The following GRB10 variants were observed in gnomAD, a reference collection of about 807,000 sequenced individuals.
The protein encoded by GRB10 is growth factor receptor-bound protein 10.
GRB10 carries 20 observed loss-of-function variants against 80.9 expected under a neutral mutation model. That is an observed-to-expected ratio of 0.25 (90% CI 0.17 to 0.36). The LOEUF is 0.36. Among genes scored for constraint, GRB10 ranks in the 10% least tolerant of loss-of-function variants. GRB10 has a pLI of 1.00. For missense variants in GRB10, 548 were observed against 747.7 expected (o/e 0.73, Z 3.12); for synonymous variants, 291 against 291.5 (o/e 1.00, Z 0.02).
chr7:50,765,980 T>G (rs1393840261), intron 2 of GRB10, among the ~76,000 whole-genome samples: 1 of 152,142 alleles, frequency 6.6e-6, no homozygotes, highest in East Asian at 1.9e-4. Context: ...AAAAAGTAAT[T>G]AGTTAATTCC....
chr7:50,655,922 T>C (rs373384250), intron 7 of GRB10, among the ~76,000 whole-genome samples: 2 of 152,160 alleles, frequency 1.3e-5, no homozygotes, highest in Non-Finnish European at 2.9e-5. Context: ...CCCCACATGA[T>C]GGAATGTCCT....
At chr7:50,715,349 T>C (rs1156911036) in intron 4 of GRB10, among the ~76,000 whole-genome samples, 1 of 151,982 alleles carries the variant, frequency 6.6e-6, no homozygotes, top group African/African-American at 2.4e-5. Flanking sequence ...GCTCGTTTTA[T>C]TCATAAAAAT....
intron 13 of GRB10, chr7:50,606,634 C>G (rs2048582217): frequency 3.5e-6 from 2 of 571,000 alleles, no homozygotes; most frequent in Non-Finnish European, 3.1e-6. Context: ...TTTGACTCCC[C>G]CAAAACTTAC....
intron 2 of GRB10, chr7:50,761,743 C>A (rs544947233): frequency 2.0e-5 from 3 of 152,280 alleles, no homozygotes; most frequent in Admixed American, 2.0e-4. Context: ...CAAATTGTAA[C>A]CCCCAGTGTT....
chr7:50,608,183 T>C (rs75741641), intron 13 of GRB10, among the ~76,000 whole-genome samples: 4,396 of 152,030 alleles, frequency 0.029, 187 homozygotes, highest in African/African-American at 0.1. Context: ...CATGGAAAAA[T>C]TGCTGAGAAA....
chr7:50,627,928 C>G (rs2053252415), intron 7 of GRB10, among the ~76,000 whole-genome samples: 1 of 152,162 alleles, frequency 6.6e-6, no homozygotes, highest in Non-Finnish European at 1.5e-5. Flanking sequence ...GGGAGGCCAC[C>G]CACCCACCCG....
chr7:50,686,501 A>G (rs935359005), intron 5 of GRB10, among the ~76,000 whole-genome samples: 7 of 152,242 alleles, frequency 4.6e-5, no homozygotes, highest in African/African-American at 1.7e-4. Flanking sequence ...CTTCTGAACA[A>G]TGCTCCAGGG....
intron 7 of GRB10, among the ~76,000 whole-genome samples, chr7:50,653,789 G>A (rs2058301460): frequency 6.6e-6 from 1 of 152,174 alleles, no homozygotes; most frequent in South Asian, 2.1e-4. Flanking sequence ...TCCCCCAGGT[G>A]GCTACATGAA....
chr7:50,762,946 T>C (rs2075919241), intron 2 of GRB10, among the ~76,000 whole-genome samples: 1 of 152,052 alleles, frequency 6.6e-6, no homozygotes. Flanking sequence ...TGAAACCCCA[T>C]CTCTACTAAA....
chr7:50,649,554 T>G (rs375223158), intron 7 of GRB10, among the ~76,000 whole-genome samples: 1 of 152,054 alleles, frequency 6.6e-6, no homozygotes, highest in Non-Finnish European at 1.5e-5. Context: ...AGGGGAGAGC[T>G]TGGATTTAAT....
chr7:50,622,752 T>C (rs528716320), intron 8 of GRB10, among the ~76,000 whole-genome samples: 77 of 152,168 alleles, frequency 5.1e-4, no homozygotes, highest in African/African-American at 1.8e-3. Flanking sequence ...ACTAGTTTTG[T>C]ATGTTTAAAT....
chr7:50,616,872 C>A (rs2050748404), intron 10 of GRB10, among the ~76,000 whole-genome samples: 1 of 152,198 alleles, frequency 6.6e-6, no homozygotes, highest in African/African-American at 2.4e-5. Context: ...CAAAACAAAA[C>A]AAGAAACTAC....
In GRB10 at chr7:50,604,008, G is replaced by A. The variant is rs1450023967; in HGVS notation, c.1534C>T (p.Leu512Phe). 4.3e-6 allele frequency: 7 copies of A among 1,612,138 alleles called. No individual in the cohort carries two copies. The highest frequency in any genetic ancestry group is 5.9e-6 in the Non-Finnish European group (7 of 1,178,232). Residue 512 changes from leucine (L) to phenylalanine (F), a missense_variant, in exon 17 of 19, where the codon CTC becomes TTC. Physicochemically the swap from Leu to Phe is conservative, Grantham distance 22. Coordinates refer to ENST00000401949, the MANE Select transcript of GRB10 (RefSeq NM_001350814.2). The part of the protein sequence containing the change: ...ESHRIIKQQG[L>F]VDGLFLLRDS... ...GTGGTGGTTCCTTACCCATCCACGAGCCCTTGCTGTTTAATGATCCTGTGG... is the reference window on the plus strand; with the variant it reads ...GTGGTGGTTCCTTACCCATCCACGAACCCTTGCTGTTTAATGATCCTGTGG...
At chr7:50,756,093 G>T (rs1344381716) in intron 2 of GRB10, 37 bp from the exon 3 acceptor site, 2 of 398,526 alleles carry the variant, frequency 5.0e-6, no homozygotes, top group African/African-American at 2.1e-5. Context: ...AACTTCCGTA[G>T]AATTTATACA....
At chr7:50,775,142 C>A (rs2077452737) in intron 2 of GRB10, among the ~76,000 whole-genome samples, 1 of 85,516 alleles carries the variant, frequency 1.2e-5, no homozygotes, top group South Asian at 3.7e-4. Context: ...GCCTGAATGA[C>A]ACAGTGAGAT....
chr7:50,739,169 A>G (rs2071312681), intron 3 of GRB10, among the ~76,000 whole-genome samples: 1 of 152,092 alleles, frequency 6.6e-6, no homozygotes, highest in Admixed American at 6.6e-5. Context: ...TGTGTTTCCG[A>G]TTATATGGGT....
chr7:50,793,184 C>T (rs1479069535), intron 1 of GRB10: 1 of 146,296 alleles, frequency 6.8e-6, no homozygotes, highest in Non-Finnish European at 1.5e-5. Context: ...ACGCCAACCA[C>T]AAAGTAACTT....
chr7:50,646,236 T>G (rs2057171117), intron 7 of GRB10, among the ~76,000 whole-genome samples: 1 of 152,204 alleles, frequency 6.6e-6, no homozygotes, highest in South Asian at 2.1e-4. Flanking sequence ...GAACGTGAGG[T>G]TACACAATGG....
intron 3 of GRB10, chr7:50,747,634 G>A (rs1181696339): frequency 3.9e-5 from 6 of 152,124 alleles, no homozygotes; most frequent in Admixed American, 1.3e-4. Context: ...ATGCAAGCAT[G>A]GAGCAGGGCA....
Sources: allele counts gnomAD v4.1 joint callset (sites outside exome capture counted in the v4.1 genomes callset), GRCh38; gene constraint gnomAD v4.1.1; transcripts MANE v1.5; gene names NCBI Gene and HGNC (gene_info 2026-07-23, HGNC 2026-07-21).